The following ZFHX3 variants were observed in gnomAD, a reference collection of about 807,000 sequenced individuals.
ZFHX3 encodes the protein zinc finger homeobox 3.
A neutral mutation model predicts 279.1 loss-of-function variants in ZFHX3; 42 were observed. The observed-to-expected ratio is 0.15, with a 90% CI of 0.12 to 0.19. The LOEUF is 0.19. Ranked by LOEUF, ZFHX3 falls within the 10% of genes least tolerant of loss-of-function variation. The pLI is 1.00. For missense variants in ZFHX3, 4,981 were observed against 4,754.0 expected (o/e 1.05, Z -1.40); for synonymous variants, 2,293 against 1,957.8 (o/e 1.17, Z -4.52).
chr16:73,673,782 A>G (rs918316421), intron 2 of ZFHX3, among the ~76,000 whole-genome samples: 2 of 152,142 alleles, frequency 1.3e-5, no homozygotes, highest in African/African-American at 4.8e-5. Flanking sequence ...TGAGTTTGTT[A>G]TGTATTCCAC....
chr16:73,043,970 C>T (rs902504652), intron 1 of ZFHX3, among the ~76,000 whole-genome samples: 11 of 152,156 alleles, frequency 7.2e-5, no homozygotes, highest in African/African-American at 1.7e-4. Flanking sequence ...GTCTCTCCCT[C>T]GGGGCGGTTT....
intron 4 of ZFHX3, among the ~76,000 whole-genome samples, chr16:72,883,033 T>C: frequency 6.9e-6 from 1 of 145,974 alleles, no homozygotes; most frequent in East Asian, 2.0e-4. Context: ...TGTGTGTGTG[T>C]GTGTGTGTGT....
rs79306493 is a variant in ZFHX3, at chr16:73,329,241, C to A, written c.-1290-10905G>T. On this transcript the variant is annotated intron_variant, in intron 3 of 17. Coordinates refer to the ZFHX3 transcript ENST00000641206. ...ATTGTGGATTCCACAATTCATCACG[C>A]TCTTGGCAAGTGGTGGTGCTCCACA... 7.7e-3 allele frequency among the ~76,000 whole-genome samples: 1,174 copies of A among 152,304 alleles called. 13 individuals carry two copies. Among genetic ancestry groups the A allele is most frequent in the African/African-American group, 0.027 (1,123 of 41,568 alleles).
chr16:73,529,866 A>G (rs2019764651), intron 2 of ZFHX3, among the ~76,000 whole-genome samples: 1 of 152,188 alleles, frequency 6.6e-6, no homozygotes. Flanking sequence ...CGTAGCAACC[A>G]GGCAGCAGAA....
chr16:73,703,302 G>A (rs1226337358), intron 1 of ZFHX3, among the ~76,000 whole-genome samples: 1 of 151,818 alleles, frequency 6.6e-6, no homozygotes, highest in East Asian at 1.9e-4. Flanking sequence ...TCTCATTATG[G>A]ACAGAAAGAA....
chr16:73,624,292 C>T (rs2052395305), intron 2 of ZFHX3, among the ~76,000 whole-genome samples: 1 of 152,110 alleles, frequency 6.6e-6, no homozygotes, highest in Non-Finnish European at 1.5e-5. Context: ...TTCAAATGCA[C>T]CAATGTTTAT....
At chr16:73,478,342 G>C (rs187305610) in intron 2 of ZFHX3, among the ~76,000 whole-genome samples, 1 of 151,696 alleles carries the variant, frequency 6.6e-6, no homozygotes. Flanking sequence ...TTGAACCCTG[G>C]ACCCTCAGAT....
At chr16:73,196,798 C>T (rs1597214898) in intron 5 of ZFHX3, among the ~76,000 whole-genome samples, 1 of 152,158 alleles carries the variant, frequency 6.6e-6, no homozygotes, top group East Asian at 1.9e-4. Flanking sequence ...GAGGACTCTA[C>T]CTCACTATTT....
chr16:73,470,426 C>T (rs1159795468), intron 2 of ZFHX3, among the ~76,000 whole-genome samples: 1 of 152,090 alleles, frequency 6.6e-6, no homozygotes, highest in Non-Finnish European at 1.5e-5. Flanking sequence ...TCTAGAGTGT[C>T]CCATGTTGAG....
intron 3 of ZFHX3, among the ~76,000 whole-genome samples, chr16:73,359,415 A>T (rs1362340331): frequency 6.6e-6 from 1 of 152,106 alleles, no homozygotes; most frequent in African/African-American, 2.4e-5. Flanking sequence ...TAGGGTAGAA[A>T]TTTACACACC....
intron 3 of ZFHX3, among the ~76,000 whole-genome samples, chr16:73,399,033 ATTTT>A (rs531100796): frequency 7.2e-6 from 1 of 139,554 alleles, no homozygotes; most frequent in Non-Finnish European, 1.5e-5. Context: ...CCCCCCGCTA[ATTTT>A]TTTTTTTTTT....
intron 4 of ZFHX3, among the ~76,000 whole-genome samples, chr16:72,861,358 C>T (rs2037883944): frequency 6.6e-6 from 1 of 152,176 alleles, no homozygotes; most frequent in African/African-American, 2.4e-5. Context: ...ATGGAGAAGC[C>T]ACTCAGAAGC....
intron 3 of ZFHX3, among the ~76,000 whole-genome samples, chr16:73,390,544 A>C (rs890814897): frequency 2.6e-5 from 4 of 152,180 alleles, no homozygotes; most frequent in African/African-American, 9.6e-5. Flanking sequence ...ATTTTGAATT[A>C]ACCACTCAAC....
intron 4 of ZFHX3, among the ~76,000 whole-genome samples, chr16:73,313,542 G>A (rs1326903215): frequency 1.3e-5 from 2 of 152,110 alleles, no homozygotes; most frequent in African/African-American, 2.4e-5. Flanking sequence ...ATGTAGACTC[G>A]AGGAGGTTGA....
intron 5 of ZFHX3, among the ~76,000 whole-genome samples, chr16:73,145,265 G>T (rs776877835): frequency 1.3e-5 from 2 of 152,206 alleles, no homozygotes; most frequent in Non-Finnish European, 2.9e-5. Context: ...TGACCAGCAG[G>T]TCGGGCCACC....
intron 6 of ZFHX3, among the ~76,000 whole-genome samples, chr16:73,140,477 G>A (rs887682294): frequency 2.0e-5 from 3 of 152,058 alleles, no homozygotes; most frequent in Non-Finnish European, 2.9e-5. Context: ...TCTGGAGTTC[G>A]GGTTAAAGGT....
In ZFHX3 at chr16:72,863,533, C is replaced by CAG. The variant is rs1001299221; in HGVS notation, c.3448+26196_3448+26197dup. ...AGAGAGAGAGAGACAGAGACAGAGA[C>CAG]AGACAGAGAGAGAGAGAGAGAAAGA... On this transcript the variant is annotated intron_variant, in intron 4 of 9. Coordinates refer to ENST00000268489, the MANE Select transcript of ZFHX3 (RefSeq NM_006885.4). Among the ~76,000 whole-genome samples the CAG allele has an allele frequency of 1.3e-4, 18 of 134,228 alleles. No individual in the cohort carries two copies. The East Asian group carries it at 2.5e-3, about 19-fold the overall frequency. The allele number at this position is 134,228 out of a possible 152,430, so 88.1% of individuals were successfully genotyped here. A position where few individuals can be genotyped will look rare whatever the true frequency, so the allele number is the denominator to read the frequency against.
At chr16:72,942,188 G>T (rs1240229491) in intron 3 of ZFHX3, among the ~76,000 whole-genome samples, 1 of 152,190 alleles carries the variant, frequency 6.6e-6, no homozygotes, top group East Asian at 1.9e-4. Context: ...TCAGCAAGTT[G>T]AAAGAATTCA....
chr16:72,897,046 G>A (rs2038917947), intron 3 of ZFHX3, among the ~76,000 whole-genome samples: 1 of 152,186 alleles, frequency 6.6e-6, no homozygotes, highest in African/African-American at 2.4e-5. Flanking sequence ...GATGCGAGGT[G>A]CTTCCTGCCC....
Sources: gnomAD v4.1 joint callset for allele counts (sites outside exome capture counted in the v4.1 genomes callset) on GRCh38, gnomAD v4.1.1 for gene constraint, MANE v1.5 for transcripts, NCBI Gene and HGNC (gene_info 2026-07-23, HGNC 2026-07-21) for gene names.